The following HDAC7 variants were observed in gnomAD, a reference collection of about 807,000 sequenced individuals.
HDAC7 encodes the protein histone deacetylase 7A.
A neutral mutation model predicts 115.5 loss-of-function variants in HDAC7; 26 were observed. That is an observed-to-expected ratio of 0.23 (90% confidence interval 0.16 to 0.31). The LOEUF (loss-of-function observed/expected upper bound fraction) is 0.31, where lower values mean the gene tolerates loss of function less well. HDAC7 is among the 10% of genes least tolerant of loss of function. The pLI is 1.00. For synonymous variants in HDAC7, 564 were observed against 550.9 expected (o/e 1.02, Z -0.33); for missense variants, 1,068 against 1,329.0 (o/e 0.80, Z 3.05).
At chr12:47,817,982 G>C (rs1202496530) in intron 1 of HDAC7, 1 of 152,280 alleles carries the variant, frequency 6.6e-6, no homozygotes, top group Admixed American at 6.5e-5. Context: ...CAAACTGGAG[G>C]GGGTGGATAA....
At position 47,798,312 on chromosome 12, in the gene HDAC7, G is replaced by C; in HGVS notation, c.350-93C>G. ...ACTGCCCTGTCCCCATCCTCAGTAG[G>C]AGGCGTCCCAGGGACTCCCTAGGCA... is the stretch of plus-strand genomic sequence containing the variant. On this transcript the variant is annotated intron_variant, in intron 4 of 25. Transcript: ENST00000080059. The surrounding 1 kb of genome is among the most constrained non-coding windows in gnomAD (Gnocchi z 4.3). 9.2e-7 allele frequency: 1 copy of C among 1,091,020 alleles called. No individual in the cohort carries two copies. The highest frequency in any genetic ancestry group is 2.4e-5 in the East Asian group (1 of 42,518). The allele number at this position is 1,091,020 out of a possible 1,614,324, so 67.6% of individuals were successfully genotyped here. A position where few individuals can be genotyped will look rare whatever the true frequency, so the allele number is the denominator to read the frequency against.
chr12:47,798,793 G>T lies in HDAC7; in HGVS notation c.250C>A (p.Pro84Thr), dbSNP rs755952455. ...AGLQQQRSVE[P>T]MRLSMDTPMP... The stretch of plus-strand genomic sequence containing the variant: ...GGGAGCTCCATCTTTACCCTCATGG[G>T]CTCCACCGAGCGCTGCTGCTGCAGG... The change falls in exon 3 of 26, where the codon CCC becomes ACC. Residue 84 changes from proline (P) to threonine (T), a missense_variant. Pro to Thr is a conservative substitution (Grantham distance 38, BLOSUM62 -1). This residue lies in a region of HDAC7 where 161 missense variants were observed against 158.5 expected (regional missense o/e 1.02). Coordinates refer to ENST00000080059, the MANE Select transcript of HDAC7 (RefSeq NM_015401.5). The surrounding 1 kb of genome is among the most constrained non-coding windows in gnomAD (Gnocchi z 4.3). 6.4e-7 allele frequency: 1 copy of T among 1,556,184 alleles called. No individual in the cohort carries two copies. The highest frequency in any genetic ancestry group is 8.7e-7 in the Non-Finnish European group (1 of 1,149,470).
intron 1 of HDAC7, among the ~76,000 whole-genome samples, chr12:47,814,512 A>G (rs1944795826): frequency 6.6e-6 from 1 of 152,144 alleles, no homozygotes; most frequent in Non-Finnish European, 1.5e-5. Flanking sequence ...CCTTCTCAAC[A>G]TTCAGTATGG....
rs529786400 is a variant in HDAC7, at chr12:47,784,422, T to C, written c.2792-205A>G. ...GCCTGACAGGGTACACAGAGTGGGT[T>C]CAACATGGCTGTGAGGGAGTCCTAG... On this transcript the variant is annotated intron_variant, in intron 24 of 25. Coordinates refer to ENST00000080059, the MANE Select transcript of HDAC7 (RefSeq NM_015401.5). The C allele has an allele frequency of 1.1e-4, 66 of 621,982 alleles. No individual in the cohort carries two copies. The African/African-American group carries it at 1.1e-3, about 10-fold the overall frequency. The allele number at this position is 621,982 out of a possible 1,614,324, so 38.5% of individuals were successfully genotyped here. A position where few individuals can be genotyped will look rare whatever the true frequency, so the allele number is the denominator to read the frequency against.
intron 1 of HDAC7, among the ~76,000 whole-genome samples, chr12:47,805,442 G>A (rs1316328315): frequency 1.3e-5 from 2 of 152,174 alleles, no homozygotes; most frequent in East Asian, 1.9e-4. Flanking sequence ...GAGGAAAGCA[G>A]GCAGTGGCAG....
chr12:47,798,736 T>A lies in HDAC7; in HGVS notation c.258+49A>T, dbSNP rs2136988432. On this transcript the variant is annotated intron_variant, in intron 3 of 25. Coordinates refer to ENST00000080059, the MANE Select transcript of HDAC7 (RefSeq NM_015401.5). This position sits in a 1 kb window ranked among gnomAD's most constrained non-coding sequence, Gnocchi z 4.3. ...CTAGGGATGCTGAAGGCGGGGAGGC[T>A]GGGGACCAAGCTCAAGGTGGCCCCA... 6.4e-7 allele frequency: 1 copy of A among 1,557,600 alleles called. No individual in the cohort carries two copies. The highest frequency in any genetic ancestry group is 1.2e-5 in the South Asian group (1 of 84,908).
At position 47,785,946 on chromosome 12, in the gene HDAC7, C is replaced by T. The variant is rs1943151500; in HGVS notation, c.2573-61G>A. 4 of 1,471,250 alleles carry T rather than the reference C, an allele frequency of 2.7e-6. No individual in the cohort carries two copies. In the South Asian group the frequency reaches 4.2e-5, roughly 15 times the overall value. 91.1% of individuals were successfully genotyped at this position (1,471,250 alleles called of 1,614,324 possible). On this transcript the variant is annotated intron_variant, in intron 22 of 25. Coordinates refer to ENST00000080059, the MANE Select transcript of HDAC7 (RefSeq NM_015401.5). ...AGTGGAGAGGTGACCCTGTTCTCTACCCCTGTGGCTTCCCTGCTTGCTTCC... is the reference window on the plus strand; with the variant it reads ...AGTGGAGAGGTGACCCTGTTCTCTATCCCTGTGGCTTCCCTGCTTGCTTCC...
intron 2 of HDAC7, among the ~76,000 whole-genome samples, chr12:47,801,766 C>T (rs1268975239): frequency 6.6e-6 from 1 of 152,168 alleles, no homozygotes; most frequent in Non-Finnish European, 1.5e-5. Flanking sequence ...AGAGGAGGCT[C>T]GGGCCAGCAG....
At chr12:47,800,311 C>T (rs1341970009) in intron 2 of HDAC7, among the ~76,000 whole-genome samples, 1 of 152,196 alleles carries the variant, frequency 6.6e-6, no homozygotes, top group East Asian at 1.9e-4. Flanking sequence ...AGTTTCCCAC[C>T]AACTTTCAGG....
chr12:47,796,354 A>AGTCAGG, intron 7 of HDAC7, 56 bp from the exon 8 acceptor site: 1 of 1,363,060 alleles, frequency 7.3e-7, no homozygotes, highest in Non-Finnish European at 1.0e-6. Flanking sequence ...GCAGGAGGGT[A>AGTCAGG]CAGCCAGGCC....
At position 47,784,349 on chromosome 12, in the gene HDAC7, C is replaced by G. The variant is rs1477768337; in HGVS notation, c.2792-132G>C. 3.2e-6 allele frequency: 3 copies of G among 939,158 alleles called. No homozygotes were observed. In the Admixed American group the frequency reaches 8.7e-5, roughly 27 times the overall value. 58.2% of individuals were successfully genotyped at this position (939,158 alleles called of 1,614,324 possible). On this transcript the variant is annotated intron_variant, in intron 24 of 25. Coordinates refer to ENST00000080059, the MANE Select transcript of HDAC7 (RefSeq NM_015401.5). ...AGCGGGCCTGTCCTCCACTTAGGGT[C>G]GGCTCTCCCACCTGCCCCTCTCCTC...
intron 1 of HDAC7, 23 bp downstream of exon 1, chr12:47,819,737 CGGGGCGG>C: frequency 1.1e-5 from 8 of 758,212 alleles, no homozygotes; most frequent in South Asian, 5.9e-5. Context: ...GCGCGCAGGG[CGGGGCGG>C]GGGGCGGCCG....
chr12:47,809,535 C>T (rs571137815), intron 1 of HDAC7, among the ~76,000 whole-genome samples: 10 of 152,070 alleles, frequency 6.6e-5, no homozygotes, highest in East Asian at 1.9e-4. Flanking sequence ...GCATTTTTGG[C>T]GGGGGGAGGG....
At position 47,796,257 on chromosome 12, in the gene HDAC7, T is replaced by C. The variant is rs1943834302; in HGVS notation, c.745A>G (p.Ser249Gly). 1 of 1,599,206 alleles carries C rather than the reference T, an allele frequency of 6.3e-7. No homozygotes were observed. Among genetic ancestry groups the C allele is most frequent in the Non-Finnish European group, 8.5e-7 (1 of 1,176,252 alleles). The change falls in exon 8 of 26, where the codon AGC becomes GGC. Residue 249 changes from serine to glycine, a missense_variant. Around this residue, in one of 6 missense-constraint regions of HDAC7, gnomAD observed 618 missense variants for 701.5 expected, o/e 0.88. Transcript: ENST00000080059. Reference sequence around the variant, plus strand: ...CCGTGCTCGCTGTCATTGGGGGAGCTGCACCCTGATGCGGGCGTGCTGCTA... The same window carrying C: ...CCGTGCTCGCTGTCATTGGGGGAGCCGCACCCTGATGCGGGCGTGCTGCTA... ...SSSSTPASGC[S>G]SPNDSEHGPN...
chr12:47,790,836 C>G, intron 16 of HDAC7: 1 of 242,526 alleles, frequency 4.1e-6, no homozygotes, highest in Admixed American at 5.1e-5. Flanking sequence ...ACCGGAAGCA[C>G]CACCGTGATG....
intron 21 of HDAC7, among the ~76,000 whole-genome samples, chr12:47,787,321 A>AGAC (rs1398170845): frequency 6.6e-6 from 1 of 152,150 alleles, no homozygotes; most frequent in African/African-American, 2.4e-5. Context: ...GGCTCTGAGA[A>AGAC]GACTCCAGGA....
chr12:47,792,360 G>A (rs1943577543), intron 13 of HDAC7: 1 of 378,650 alleles, frequency 2.6e-6, no homozygotes, highest in South Asian at 2.6e-5. Context: ...AGCAAAGCAT[G>A]AGGCCTAACG....
chr12:47,805,073 AT>A (rs561801413), intron 1 of HDAC7, among the ~76,000 whole-genome samples: 4,468 of 142,774 alleles, frequency 0.031, 119 homozygotes, highest in African/African-American at 0.073. Flanking sequence ...TCTTTTCTTA[AT>A]TTTTTTTTTT....
In HDAC7 at chr12:47,795,617, G is replaced by T; in HGVS notation, c.1057C>A (p.Pro353Thr). 1 of 1,561,262 alleles carries T rather than the reference G, an allele frequency of 6.4e-7. No homozygotes were observed. The highest frequency in any genetic ancestry group is 1.4e-5 in the African/African-American group (1 of 73,578). Residue 353 changes from proline to threonine, a missense_variant, in exon 10 of 26, where the codon CCC (proline) becomes ACC (threonine). Around this residue, in one of 6 missense-constraint regions of HDAC7, gnomAD observed 618 missense variants for 701.5 expected, o/e 0.88. Transcript: ENST00000080059. The surrounding 1 kb of genome is among the most constrained non-coding windows in gnomAD (Gnocchi z 4.3). Reference protein sequence around the residue: ...SRLQPILLLDPSGSHAPLLTV... With the variant: ...SRLQPILLLDTSGSHAPLLTV... ...AGCAGCGGGGCATGAGAGCCTGAGG[G>T]GTCCAGGAGGAGAATGGGCTGCAGG...
Sources: gnomAD v4.1 joint callset for allele counts (sites outside exome capture counted in the v4.1 genomes callset) on GRCh38, gnomAD v4.1.1 for gene constraint, gnomAD v4.1.1 regional missense constraint, Gnocchi (gnomAD v3.1) non-coding constraint, MANE v1.5 for transcripts, NCBI Gene and HGNC (gene_info 2026-07-23, HGNC 2026-07-21) for gene names.